Variants in RAD51B observed in about 807,000 individuals in gnomAD.
The protein encoded by RAD51B is DNA repair protein RAD51 homolog 2.
RAD51B carries 38 observed loss-of-function variants against 42.2 expected under a neutral mutation model. The ratio of observed to expected loss-of-function variants is 0.90; its 90% CI spans 0.70 to 1.18. The LOEUF (loss-of-function observed/expected upper bound fraction) is 1.18, where lower values mean the gene tolerates loss of function less well. Among genes scored for constraint, RAD51B ranks in the 50% most tolerant of loss-of-function variants. The pLI is 0.00. For missense variants in RAD51B, 373 were observed against 400.7 expected (o/e 0.93, Z 0.59); for synonymous variants, 154 against 145.2 (o/e 1.06, Z -0.43).
chr14:68,277,169 G>T (rs1362374238), intron 7 of RAD51B, among the ~76,000 whole-genome samples: 1 of 152,048 alleles, frequency 6.6e-6, no homozygotes, highest in Non-Finnish European at 1.5e-5. Context: ...TTAATGAAGG[G>T]GACCACTACT....
At chr14:68,044,768 C>T (rs1179448329) in intron 7 of RAD51B, among the ~76,000 whole-genome samples, 5 of 151,936 alleles carry the variant, frequency 3.3e-5, no homozygotes, top group African/African-American at 9.7e-5. Flanking sequence ...AACCTTGTCT[C>T]TTTCTTACTG....
chr14:67,984,159 G>A (rs991973697), intron 7 of RAD51B, among the ~76,000 whole-genome samples: 1 of 151,930 alleles, frequency 6.6e-6, no homozygotes, highest in Non-Finnish European at 1.5e-5. Context: ...GGCTGGTCTC[G>A]ATCTCTTGAC....
intron 7 of RAD51B, among the ~76,000 whole-genome samples, chr14:68,051,493 A>G (rs2076393051): frequency 6.6e-6 from 1 of 152,186 alleles, no homozygotes; most frequent in Admixed American, 6.5e-5. Context: ...TTTATAAAAT[A>G]AAAACCTAGA....
At chr14:68,278,077 A>T (rs938182269) in intron 7 of RAD51B, among the ~76,000 whole-genome samples, 1 of 152,084 alleles carries the variant, frequency 6.6e-6, no homozygotes, top group Non-Finnish European at 1.5e-5. Context: ...TCTTTTGCCT[A>T]CCAGTGCCAG....
chr14:68,308,087 C>G (rs531806967), intron 8 of RAD51B, among the ~76,000 whole-genome samples: 1 of 151,982 alleles, frequency 6.6e-6, no homozygotes, highest in Non-Finnish European at 1.5e-5. Context: ...TGGAGGTTCT[C>G]GAGGAATGTA....
intron 7 of RAD51B, among the ~76,000 whole-genome samples, chr14:67,910,672 A>T (rs918621653): frequency 6.6e-6 from 1 of 152,060 alleles, no homozygotes; most frequent in South Asian, 2.1e-4. Flanking sequence ...TTGAATTCAG[A>T]TTAAAAAGCA....
chr14:68,648,674 A>AACACAC (rs35200852), intron 10 of RAD51B, among the ~76,000 whole-genome samples: 3,295 of 143,656 alleles, frequency 0.023, 47 homozygotes, highest in South Asian at 0.031. Context: ...AAAGCACACA[A>AACACAC]ACACACACAC....
intron 7 of RAD51B, among the ~76,000 whole-genome samples, chr14:67,914,346 C>A (rs117569572): frequency 1.3e-5 from 2 of 152,006 alleles, no homozygotes; most frequent in African/African-American, 2.4e-5. Context: ...TTTCTGTGTC[C>A]GACTTATTTT....
chr14:68,244,597 C>T (rs1041276688), intron 7 of RAD51B, among the ~76,000 whole-genome samples: 1 of 152,184 alleles, frequency 6.6e-6, no homozygotes, highest in African/African-American at 2.4e-5. Context: ...GTGAATGAAA[C>T]AGTGGGTAGG....
intron 10 of RAD51B, among the ~76,000 whole-genome samples, chr14:68,494,825 C>T (rs73278399): frequency 0.012 from 1,852 of 151,890 alleles, 50 homozygotes; most frequent in African/African-American, 0.042. Flanking sequence ...ATGTAGGTTC[C>T]CAAGCCCAGC....
intron 10 of RAD51B, among the ~76,000 whole-genome samples, chr14:68,476,230 T>G (rs745757270): frequency 9.9e-5 from 15 of 152,050 alleles, no homozygotes; most frequent in Non-Finnish European, 1.5e-4. Context: ...TTCTTGAGAG[T>G]ACGTGGGACT....
chr14:68,201,628 C>T (rs1490414420), intron 7 of RAD51B, among the ~76,000 whole-genome samples: 1 of 152,088 alleles, frequency 6.6e-6, no homozygotes, highest in Non-Finnish European at 1.5e-5. Flanking sequence ...ACCTGTCAAG[C>T]GAAGATGCAG....
At chr14:68,553,609 A>G (rs1338072490) in intron 10 of RAD51B, among the ~76,000 whole-genome samples, 1 of 151,806 alleles carries the variant, frequency 6.6e-6, no homozygotes, top group Non-Finnish European at 1.5e-5. Context: ...ATTGTTTGGC[A>G]GCATTGAGCA....
intron 7 of RAD51B, among the ~76,000 whole-genome samples, chr14:67,924,830 C>T (rs971875836): frequency 4.6e-5 from 7 of 152,198 alleles, no homozygotes; most frequent in African/African-American, 1.7e-4. Flanking sequence ...TCCCAAAAGT[C>T]CCCCAAAGTC....
intron 7 of RAD51B, among the ~76,000 whole-genome samples, chr14:68,099,193 T>G (rs1044795140): frequency 2.6e-5 from 4 of 152,188 alleles, no homozygotes; most frequent in Non-Finnish European, 4.4e-5. Context: ...ACACATAAAG[T>G]CTTATTATTT....
chr14:68,661,738 G>T (rs902150111), intron 11 of RAD51B, among the ~76,000 whole-genome samples: 4 of 152,154 alleles, frequency 2.6e-5, no homozygotes, highest in Admixed American at 6.5e-5. Flanking sequence ...TTTCATGCCC[G>T]GTAGAGGTCT....
intron 7 of RAD51B, among the ~76,000 whole-genome samples, chr14:68,057,618 AT>A (rs1463209282): frequency 6.6e-6 from 1 of 152,142 alleles, no homozygotes; most frequent in Non-Finnish European, 1.5e-5. Context: ...ATTATTGTTC[AT>A]TTAATACAAA....
At chr14:67,927,632 T>C (rs922444916) in intron 7 of RAD51B, among the ~76,000 whole-genome samples, 1 of 152,120 alleles carries the variant, frequency 6.6e-6, no homozygotes, top group African/African-American at 2.4e-5. Context: ...CATAATGACG[T>C]CCAATTCCAT....
intron 7 of RAD51B, among the ~76,000 whole-genome samples, chr14:67,997,141 T>C (rs1441374278): frequency 6.6e-6 from 1 of 152,124 alleles, no homozygotes; most frequent in Non-Finnish European, 1.5e-5. Flanking sequence ...AAGTCAGATA[T>C]ATGAGTTCAG....
Sources: gnomAD v4.1 joint callset for allele counts (sites outside exome capture counted in the v4.1 genomes callset) on GRCh38, gnomAD v4.1.1 for gene constraint, MANE v1.5 for transcripts, NCBI Gene and HGNC (gene_info 2026-07-23, HGNC 2026-07-21) for gene names.